GALNT11: variants seen among roughly 807,000 people sequenced by gnomAD.
GALNT11 encodes the protein polypeptide N-acetylgalactosaminyltransferase 11, also known as UDP-GalNAc:polypeptide N-acetylgalactosaminyltransferase 11.
Under a neutral mutation model 72.7 loss-of-function variants are expected in GALNT11, and 47 were observed. That is an observed-to-expected ratio of 0.65 (90% CI 0.51 to 0.82). The LOEUF is 0.82. Among genes scored for constraint, GALNT11 ranks in the 40% least tolerant of loss-of-function variants. The pLI is 0.00. For missense variants in GALNT11, 677 were observed against 778.4 expected (o/e 0.87, Z 1.55); for synonymous variants, 270 against 286.6 (o/e 0.94, Z 0.58).
intron 1 of GALNT11, among the ~76,000 whole-genome samples, chr7:152,044,581 C>T (rs1222511889): frequency 1.3e-5 from 2 of 152,066 alleles, no homozygotes; most frequent in Non-Finnish European, 2.9e-5. Context: ...TTCTTGATTT[C>T]GTTTTTCAGA....
intron 8 of GALNT11, among the ~76,000 whole-genome samples, chr7:152,114,701 G>T (rs980850779): frequency 6.6e-6 from 1 of 152,010 alleles, no homozygotes; most frequent in African/African-American, 2.4e-5. Context: ...CGAGTAGCTG[G>T]GATTACAGGT....
chr7:152,076,958 G>A (rs1395047333), intron 1 of GALNT11, among the ~76,000 whole-genome samples: 1 of 152,216 alleles, frequency 6.6e-6, no homozygotes. Flanking sequence ...TGGGCATGGT[G>A]GCTCATGCCT....
rs753004508 is a variant in GALNT11, at chr7:152,105,300, T to G, written c.642T>G (p.Ile214Met). The change falls in exon 5 of 12, where the codon ATT becomes ATG. Residue 214 changes from isoleucine (I) to methionine (M), a missense_variant. By Grantham distance (10) the Ile-to-Met change is conservative. Coordinates refer to ENST00000430044, the MANE Select transcript of GALNT11 (RefSeq NM_022087.4). The stretch of plus-strand genomic sequence containing the variant: ...TCCAAAAATACCTCCCTGGAAAAAT[T>G]AAAGTCATAAGAAATACAAAGCGTG... ...EYVQKYLPGKIKVIRNTKREG... is the reference protein window; with the variant it reads ...EYVQKYLPGKMKVIRNTKREG... The G allele has an allele frequency of 1.9e-6, 3 of 1,613,946 alleles. No individual in the cohort carries two copies. The highest frequency in any genetic ancestry group is 2.5e-6 in the Non-Finnish European group (3 of 1,179,950).
intron 1 of GALNT11, among the ~76,000 whole-genome samples, chr7:152,059,274 T>C (rs2083869387): frequency 6.6e-6 from 1 of 150,858 alleles, no homozygotes; most frequent in South Asian, 2.1e-4. Flanking sequence ...TTTTTTGTAT[T>C]TTTTTTTTGT....
At chr7:152,054,503 C>CTTTTTT (rs1037895401) in intron 1 of GALNT11, among the ~76,000 whole-genome samples, 72 of 72,066 alleles carry the variant, frequency 1.0e-3, no homozygotes, top group Non-Finnish European at 1.6e-3. Context: ...TTTTTCTTGT[C>CTTTTTT]TTTTTTTTTT....
intron 1 of GALNT11, among the ~76,000 whole-genome samples, chr7:152,080,904 A>G (rs2085284738): frequency 6.6e-6 from 1 of 152,124 alleles, no homozygotes; most frequent in African/African-American, 2.4e-5. Context: ...CAGGAGGCAG[A>G]GGTTGCAGTG....
chr7:152,118,601 T>G (rs1230791103), intron 9 of GALNT11, 77 bp from the exon 10 acceptor site: 5 of 1,243,222 alleles, frequency 4.0e-6, no homozygotes, highest in Non-Finnish European at 2.3e-6. Flanking sequence ...TTTCACATTT[T>G]GCCTGGAACC....
chr7:152,117,351 A>G lies in GALNT11; in HGVS notation c.1428A>G (p.Arg476=), dbSNP rs770362720. 6.2e-7 allele frequency: 1 copy of G among 1,614,152 alleles called. No homozygotes were observed. Among genetic ancestry groups the G allele is most frequent in the Non-Finnish European group, 8.5e-7 (1 of 1,179,998 alleles). The change falls in exon 9 of 12, where the codon CGA becomes CGG. Residue 476 remains arginine, a synonymous_variant. Coordinates refer to ENST00000430044, the MANE Select transcript of GALNT11 (RefSeq NM_022087.4). The part of the protein sequence containing the change: ...QPIFVNRGPK[R]PKVLQRGRLY... ...TTTTTGTCAATAGAGGGCCAAAACGACCCAAAGTCCTTCAACGTGGAAGGG... is the reference window on the plus strand; with the variant it reads ...TTTTTGTCAATAGAGGGCCAAAACGGCCCAAAGTCCTTCAACGTGGAAGGG...
intron 1 of GALNT11, among the ~76,000 whole-genome samples, chr7:152,028,004 C>T (rs1048376238): frequency 2.6e-5 from 4 of 152,132 alleles, no homozygotes; most frequent in Non-Finnish European, 5.9e-5. Context: ...GTTTGTTCCT[C>T]GCAGTAGGTT....
intron 5 of GALNT11, chr7:152,107,473 C>T (rs1216320496): frequency 6.6e-6 from 1 of 152,058 alleles, no homozygotes; most frequent in Non-Finnish European, 1.5e-5. Context: ...AGCTGCGCCT[C>T]CCTCTCTCCG....
chr7:152,084,782 G>A lies in GALNT11; in HGVS notation c.-38-9408G>A, dbSNP rs182574382. Among the ~76,000 whole-genome samples, 3 of 152,294 alleles carry A rather than the reference G, an allele frequency of 2.0e-5. No homozygotes were observed. In the East Asian group the frequency reaches 5.8e-4, roughly 29 times the overall value. On this transcript the variant is annotated intron_variant, in intron 1 of 11. Coordinates refer to ENST00000430044, the MANE Select transcript of GALNT11 (RefSeq NM_022087.4). ...AGTATGTATTAATTGTTAATACTAA[G>A]CGCTATGCTAAATATATGGGGCTGA...
chr7:152,115,190 G>C (rs755831901), intron 8 of GALNT11, among the ~76,000 whole-genome samples: 2 of 152,182 alleles, frequency 1.3e-5, no homozygotes, highest in Non-Finnish European at 2.9e-5. Context: ...AGGTCTGCCA[G>C]TTTAAACTCA....
At chr7:152,082,137 G>A (rs141981614) in intron 1 of GALNT11, among the ~76,000 whole-genome samples, 5 of 152,292 alleles carry the variant, frequency 3.3e-5, no homozygotes, top group Middle Eastern at 3.4e-3. Context: ...AGTAGATAGT[G>A]TATTTTTGCT....
intron 1 of GALNT11, among the ~76,000 whole-genome samples, chr7:152,049,319 G>A (rs1353378549): frequency 2.0e-5 from 3 of 152,118 alleles, no homozygotes; most frequent in East Asian, 1.9e-4. Flanking sequence ...TAAATTTTTC[G>A]TCATTGTTGC....
intron 7 of GALNT11, among the ~76,000 whole-genome samples, chr7:152,111,267 C>G (rs2088164831): frequency 6.6e-6 from 1 of 152,168 alleles, no homozygotes; most frequent in South Asian, 2.1e-4. Flanking sequence ...ATCCTCCCAC[C>G]TCTCAGCCTC....
At chr7:152,105,110 G>T (rs1587397205) in intron 4 of GALNT11, 135 bp from the exon 5 acceptor site, 1 of 931,746 alleles carries the variant, frequency 1.1e-6, no homozygotes, top group East Asian at 2.7e-5. Context: ...CTCTTTTAAA[G>T]TAAAATATTC....
Position 152,116,218 on chromosome 7 carries a change from G to A in GALNT11, c.1234-939G>A, listed in dbSNP as rs567121458. Among the ~76,000 whole-genome samples, 83 of 152,288 alleles carry A rather than the reference G, an allele frequency of 5.5e-4. 1 individual carries two copies. In the Middle Eastern group the frequency reaches 0.01, roughly 19 times the overall value. ...AAAACGGGTGGAAGATCCATTCAGA[G>A]AGCAAGACAGACCAGGAGATATTAT... On this transcript the variant is annotated intron_variant, in intron 8 of 11. Transcript: ENST00000430044.
At chr7:152,041,250 C>T (rs902492703) in intron 1 of GALNT11, among the ~76,000 whole-genome samples, 3 of 152,182 alleles carry the variant, frequency 2.0e-5, no homozygotes, top group Admixed American at 6.5e-5. Flanking sequence ...TTTTTATTAT[C>T]GGGTCTCTCC....
At chr7:152,059,259 CTTTTTTTTTTGTA>C (rs2083867815) in intron 1 of GALNT11, among the ~76,000 whole-genome samples, 1 of 148,422 alleles carries the variant, frequency 6.7e-6, no homozygotes. Flanking sequence ...CCATGCCCAA[CTTTTTTTTTTGTA>C]TTTTTTTTTT....
Sources: allele counts gnomAD v4.1 joint callset (sites outside exome capture counted in the v4.1 genomes callset), GRCh38; gene constraint gnomAD v4.1.1; transcripts MANE v1.5; gene names NCBI Gene and HGNC (gene_info 2026-07-23, HGNC 2026-07-21).